Variants in CHN1 observed in about 807,000 individuals in gnomAD.
CHN1 encodes the protein chimerin 1, also known as N-chimaerin.
In CHN1, 37 loss-of-function variants were observed where a neutral mutation model predicts 59.5. The observed-to-expected ratio is 0.62, with a 90% confidence interval of 0.48 to 0.82. CHN1 has a LOEUF of 0.82. CHN1 is among the 40% of genes least tolerant of loss of function. The pLI is 0.00. For synonymous variants in CHN1, 206 were observed against 200.4 expected (o/e 1.03, Z -0.24); for missense variants, 469 against 571.0 (o/e 0.82, Z 1.82).
At chr2:174,933,647 G>A (rs1689416536) in intron 3 of CHN1, among the ~76,000 whole-genome samples, 1 of 152,174 alleles carries the variant, frequency 6.6e-6, no homozygotes, top group African/African-American at 2.4e-5. Flanking sequence ...AATTGAGCGA[G>A]GCAAATGGAG....
intron 5 of CHN1, among the ~76,000 whole-genome samples, chr2:174,907,576 G>A (rs1223719892): frequency 6.8e-6 from 1 of 146,382 alleles, no homozygotes; most frequent in Non-Finnish European, 1.5e-5. Context: ...TGCAACTAAT[G>A]TCTTCATTTC....
intron 11 of CHN1, among the ~76,000 whole-genome samples, chr2:174,803,245 G>A (rs1490165609): frequency 6.6e-6 from 1 of 152,152 alleles, no homozygotes; most frequent in Non-Finnish European, 1.5e-5. Context: ...GGCGTGAGAT[G>A]AATGTAAAAA....
chr2:174,935,789 C>T (rs1372760467), intron 3 of CHN1, among the ~76,000 whole-genome samples: 1 of 151,886 alleles, frequency 6.6e-6, no homozygotes, highest in African/African-American at 2.4e-5. Context: ...ACAAAAAAGC[C>T]AGGCACGGCG....
chr2:174,909,602 G>A (rs1027536197), intron 5 of CHN1, among the ~76,000 whole-genome samples: 3 of 152,182 alleles, frequency 2.0e-5, no homozygotes, highest in Non-Finnish European at 4.4e-5. Flanking sequence ...TTGACACAAG[G>A]AAAACCAACC....
At chr2:174,996,563 T>C (rs1213235017) in intron 1 of CHN1, among the ~76,000 whole-genome samples, 3 of 152,146 alleles carry the variant, frequency 2.0e-5, no homozygotes, top group Admixed American at 1.3e-4. Context: ...CTAGAACATA[T>C]AGCTGATCCT....
intron 6 of CHN1, among the ~76,000 whole-genome samples, chr2:174,860,334 C>G (rs1013581025): frequency 2.6e-5 from 4 of 152,100 alleles, no homozygotes; most frequent in African/African-American, 9.7e-5. Flanking sequence ...ATAACAGAGA[C>G]TGCAGATTGG....
Position 174,808,935 on chromosome 2 carries a change from C to T in CHN1, c.1072G>A (p.Asp358Asn). 1 of 1,613,716 alleles carries T rather than the reference C, an allele frequency of 6.2e-7. No individual in the cohort carries two copies. Among genetic ancestry groups the T allele is most frequent in the Non-Finnish European group, 8.5e-7 (1 of 1,179,766 alleles). Residue 358 changes from aspartate (D) to asparagine (N), a missense_variant, in exon 11 of 13, where the codon GAT becomes AAT. This residue lies in a region of CHN1 where 225 missense variants were observed against 289.9 expected (regional missense o/e 0.78). Coordinates refer to ENST00000409900, the MANE Select transcript of CHN1 (RefSeq NM_001822.7). ...RDLPIPLITY[D>N]AYPKFIESAK... ...GATTCTATAAACTTAGGGTAGGCAT[C>T]ATATGTAATGAGTGGAATTGGCAAA...
In CHN1 at chr2:174,799,792, C is replaced by T. The variant is rs1240245670; in HGVS notation, c.*324G>A. 9.2e-6 allele frequency: 5 copies of T among 544,952 alleles called. No homozygotes were observed. Among genetic ancestry groups the T allele is most frequent in the African/African-American group, 1.8e-5 (1 of 54,272 alleles). 33.8% of individuals were successfully genotyped at this position (544,952 alleles called of 1,614,324 possible). A position where few individuals can be genotyped will look rare whatever the true frequency, so the allele number is the denominator to read the frequency against. On this transcript the variant is annotated 3_prime_UTR_variant, in exon 13 of 13. Coordinates refer to ENST00000409900, the MANE Select transcript of CHN1 (RefSeq NM_001822.7). ...CATGCTGGATTACAAGCACAGACTA[C>T]CCAGGACGCAGAGGCGGTGCAGGCG...
At chr2:174,991,989 A>G (rs115082627) in intron 1 of CHN1, among the ~76,000 whole-genome samples, 4,642 of 152,342 alleles carry the variant, frequency 0.03, 109 homozygotes, top group Non-Finnish European at 0.044. Context: ...ATTACGAAAG[A>G]AATGCATTCA....
At chr2:174,913,371 G>A (rs1300183926) in intron 5 of CHN1, among the ~76,000 whole-genome samples, 1 of 152,058 alleles carries the variant, frequency 6.6e-6, no homozygotes, top group Non-Finnish European at 1.5e-5. Flanking sequence ...CAGATGACCA[G>A]ACTATTTGGA....
At position 174,801,746 on chromosome 2, in the gene CHN1, T is replaced by C; in HGVS notation, c.1169A>G (p.His390Arg). Reference protein sequence around the residue: ...HEALKLLPPAHCETLRYLMAH... With the variant: ...HEALKLLPPARCETLRYLMAH... ...CATGAGGTACCGGAGGGTTTCGCAG[T>C]GAGCAGGTGGCAGTAGTTTCAGTGC... Residue 390 changes from histidine to arginine, a missense_variant, in exon 12 of 13, where the codon CAC (histidine) becomes CGC (arginine). Transcript: ENST00000409900. 1 of 1,613,594 alleles carries C rather than the reference T, an allele frequency of 6.2e-7. No individual in the cohort carries two copies. The highest frequency in any genetic ancestry group is 8.5e-7 in the Non-Finnish European group (1 of 1,179,570).
intron 5 of CHN1, among the ~76,000 whole-genome samples, chr2:174,885,144 A>G (rs115770616): frequency 0.031 from 4,616 of 150,986 alleles, 262 homozygotes; most frequent in African/African-American, 0.11. Flanking sequence ...AAAATCAGCC[A>G]GGCGCCCGTA....
chr2:174,839,860 T>A (rs1686225414), intron 7 of CHN1, among the ~76,000 whole-genome samples: 1 of 152,090 alleles, frequency 6.6e-6, no homozygotes, highest in South Asian at 2.1e-4. Context: ...TATCTCAGCC[T>A]CTCAAAGTGC....
chr2:174,967,723 T>G (rs1690638002), intron 1 of CHN1, among the ~76,000 whole-genome samples: 1 of 152,212 alleles, frequency 6.6e-6, no homozygotes. Context: ...TGGTCTCAGA[T>G]AACCCTCACC....
At chr2:174,802,311 TTTC>T (rs923272791) in intron 11 of CHN1, among the ~76,000 whole-genome samples, 1 of 152,252 alleles carries the variant, frequency 6.6e-6, no homozygotes, top group African/African-American at 2.4e-5. Flanking sequence ...TTCATACTTT[TTTC>T]TTTTTAAACC....
intron 5 of CHN1, among the ~76,000 whole-genome samples, chr2:174,886,818 GA>G (rs902338166): frequency 4.6e-5 from 7 of 151,722 alleles, no homozygotes; most frequent in African/African-American, 1.7e-4. Context: ...ATTTTTCTCA[GA>G]AAAAAATGTC....
intron 5 of CHN1, among the ~76,000 whole-genome samples, chr2:174,902,127 T>C (rs906283820): frequency 6.6e-6 from 1 of 152,188 alleles, no homozygotes; most frequent in Non-Finnish European, 1.5e-5. Context: ...TTTTCCTACA[T>C]TTTAAAATAT....
intron 7 of CHN1, chr2:174,837,287 G>C (rs907402843): frequency 1.5e-4 from 23 of 152,200 alleles, no homozygotes; most frequent in Non-Finnish European, 2.4e-4. Context: ...CACAAGCAGA[G>C]ATCAGGGTTG....
chr2:174,972,340 T>C (rs762708011), intron 1 of CHN1, among the ~76,000 whole-genome samples: 1 of 152,148 alleles, frequency 6.6e-6, no homozygotes, highest in Non-Finnish European at 1.5e-5. Flanking sequence ...ATAAGCTTAG[T>C]GACAAGACAG....
Sources: gnomAD v4.1 joint callset for allele counts (sites outside exome capture counted in the v4.1 genomes callset) on GRCh38, gnomAD v4.1.1 for gene constraint, gnomAD v4.1.1 regional missense constraint, MANE v1.5 for transcripts, NCBI Gene and HGNC (gene_info 2026-07-23, HGNC 2026-07-21) for gene names.